The following SFI1 variants were observed in gnomAD, a reference collection of about 807,000 sequenced individuals.
SFI1 encodes SFI1 centrin binding protein.
Under a neutral mutation model 207.5 loss-of-function variants are expected in SFI1, and 195 were observed. That is an observed-to-expected ratio of 0.94 (90% CI 0.84 to 1.06). The LOEUF (loss-of-function observed/expected upper bound fraction) is 1.06, where lower values mean the gene tolerates loss of function less well. Ranked by LOEUF, SFI1 falls within the 50% of genes least tolerant of loss-of-function variation. The pLI is 0.00. For synonymous variants in SFI1, 630 were observed against 598.9 expected, an observed-to-expected ratio of 1.05 and a Z score of -0.76; for missense variants, 1,634 against 1,588.0, an observed-to-expected ratio of 1.03 and a Z score of -0.49.
At chr22:31,610,473 G>T (rs1174671873) in intron 22 of SFI1, among the ~76,000 whole-genome samples, 1 of 152,208 alleles carries the variant, frequency 6.6e-6, no homozygotes, top group Non-Finnish European at 1.5e-5. Flanking sequence ...GCCTCAGTGG[G>T]CCTGGAGGGC....
At chr22:31,602,103 A>G in intron 15 of SFI1, 109 bp from the exon 16 acceptor site, 2 of 929,766 alleles carry the variant, frequency 2.2e-6, no homozygotes, top group Non-Finnish European at 3.4e-6. Context: ...CACCTCTTAT[A>G]CGATAGCATG....
chr22:31,555,411 C>T (rs565549968), intron 6 of SFI1, among the ~76,000 whole-genome samples: 1 of 152,284 alleles, frequency 6.6e-6, no homozygotes, highest in East Asian at 1.9e-4. Context: ...TGACATAAGA[C>T]AAGTTATTTC....
chr22:31,535,958 A>G (rs1223133161), intron 4 of SFI1, among the ~76,000 whole-genome samples: 1 of 152,168 alleles, frequency 6.6e-6, no homozygotes, highest in African/African-American at 2.4e-5. Flanking sequence ...CTAATTTCAT[A>G]GAACTCCTTC....
At chr22:31,497,296 C>T (rs9621272) in intron 1 of SFI1, 2 of 152,174 alleles carry the variant, frequency 1.3e-5, no homozygotes, top group Non-Finnish European at 2.9e-5. Flanking sequence ...AGCCCTGCAC[C>T]GAGCAACTAT....
intron 2 of SFI1, among the ~76,000 whole-genome samples, chr22:31,519,585 T>C (rs1173952549): frequency 2.0e-5 from 3 of 151,844 alleles, no homozygotes; most frequent in Non-Finnish European, 4.4e-5. Context: ...TACAGGCGTG[T>C]GCCACCACGC....
At chr22:31,511,833 G>A (rs2146738503) in intron 2 of SFI1, among the ~76,000 whole-genome samples, 1 of 151,890 alleles carries the variant, frequency 6.6e-6, no homozygotes, top group East Asian at 2.0e-4. Context: ...TTTTATATTA[G>A]TAGAGAAGGA....
chr22:31,511,450 C>G (rs1222004220), intron 2 of SFI1, among the ~76,000 whole-genome samples: 1 of 147,618 alleles, frequency 6.8e-6, no homozygotes, highest in Non-Finnish European at 1.5e-5. Flanking sequence ...GCCTCTAACT[C>G]TGGCATAGTT....
intron 7 of SFI1, 97 bp downstream of exon 7, chr22:31,557,156 A>C: frequency 1.4e-6 from 1 of 714,328 alleles, no homozygotes; most frequent in Non-Finnish European, 2.3e-6. Context: ...CCTTAAAACA[A>C]TGGTTTGTAT....
intron 8 of SFI1, among the ~76,000 whole-genome samples, chr22:31,572,107 G>A (rs150931252): frequency 0.012 from 1,783 of 152,318 alleles, 10 homozygotes; most frequent in Middle Eastern, 0.031. Flanking sequence ...GCAGGAAAGA[G>A]AGAAGACAGA....
intron 29 of SFI1, chr22:31,616,144 TG>T (rs1399329903): frequency 6.6e-6 from 1 of 151,980 alleles, no homozygotes; most frequent in Non-Finnish European, 1.5e-5. Flanking sequence ...AGCTCAGTAA[TG>T]GAAGTGACAG....
chr22:31,500,358 G>A (rs2053537089), intron 1 of SFI1, among the ~76,000 whole-genome samples: 1 of 151,816 alleles, frequency 6.6e-6, no homozygotes. Flanking sequence ...TCAGTCAGCA[G>A]CTATTAACAT....
intron 22 of SFI1, among the ~76,000 whole-genome samples, chr22:31,610,083 G>T (rs1365848856): frequency 6.6e-6 from 1 of 152,200 alleles, no homozygotes. Context: ...ACACGTAGTA[G>T]GTACACAGTA....
intron 4 of SFI1, among the ~76,000 whole-genome samples, chr22:31,532,464 T>C (rs528120840): frequency 1.3e-5 from 2 of 152,126 alleles, no homozygotes; most frequent in Non-Finnish European, 2.9e-5. Flanking sequence ...CAAAGGAGAA[T>C]TGGCAGCCTT....
In SFI1 at chr22:31,583,903, G is replaced by T; in HGVS notation, c.1277G>T (p.Arg426Leu). 6.2e-7 allele frequency: 1 copy of T among 1,614,038 alleles called. No individual in the cohort carries two copies. Among genetic ancestry groups the T allele is most frequent in the Non-Finnish European group, 8.5e-7 (1 of 1,180,020 alleles). Residue 426 changes from arginine to leucine, a missense_variant, in exon 13 of 33, where the codon CGG (arginine) becomes CTG (leucine). Arg to Leu is a moderately radical substitution (Grantham distance 102). Coordinates refer to ENST00000400288, the MANE Select transcript of SFI1 (RefSeq NM_001007467.3). ...CTGCACAGGTTCTGGAACCTCTGGC[G>T]GTCTCAGATTGAGCAGAAAAAGGAA... ...TLLHRFWNLW[R>L]SQIEQKKERE...
upstream of SFI1, chr22:31,496,163 GT>G (rs1251682170): frequency 2.0e-5 from 3 of 152,266 alleles, no homozygotes; most frequent in Non-Finnish European, 4.4e-5. Flanking sequence ...GAGGACTTTC[GT>G]ACGCAGCCGC....
Position 31,617,070 on chromosome 22 carries a change from G to A in SFI1, c.3504G>A (p.Gln1168=). ...TACTGCACTACCAGACCACCAAGCAGAACCTCTGGTGAGCCCTGCGAAACG... is the reference window on the plus strand; with the variant it reads ...TACTGCACTACCAGACCACCAAGCAAAACCTCTGGTGAGCCCTGCGAAACG... ...QQLLHYQTTK[Q]NLWSCRRQAS... The change falls in exon 31 of 33, where the codon CAG becomes CAA. Residue 1168 remains glutamine, a synonymous_variant. Coordinates refer to ENST00000400288, the MANE Select transcript of SFI1 (RefSeq NM_001007467.3). The A allele has an allele frequency of 1.9e-6, 3 of 1,614,016 alleles. No individual in the cohort carries two copies. The highest frequency in any genetic ancestry group is 2.5e-6 in the Non-Finnish European group (3 of 1,180,020).
chr22:31,534,437 T>C (rs145465503), intron 4 of SFI1, among the ~76,000 whole-genome samples: 1,758 of 152,330 alleles, frequency 0.012, 10 homozygotes, highest in Middle Eastern at 0.031. Context: ...TTTTCTTTCT[T>C]CTCACATCTC....
chr22:31,527,312 AC>A (rs1179570839), intron 2 of SFI1, among the ~76,000 whole-genome samples: 1 of 152,160 alleles, frequency 6.6e-6, no homozygotes, highest in Non-Finnish European at 1.5e-5. Flanking sequence ...TTCACTCTTG[AC>A]TTTCATTTCT....
At chr22:31,518,790 T>C (rs781372362) in intron 2 of SFI1, among the ~76,000 whole-genome samples, 6 of 152,202 alleles carry the variant, frequency 3.9e-5, no homozygotes, top group Non-Finnish European at 7.3e-5. Flanking sequence ...TAGCACTCCC[T>C]CTAGGAGTCT....
Sources: gnomAD v4.1 joint callset for allele counts (sites outside exome capture counted in the v4.1 genomes callset) on GRCh38, gnomAD v4.1.1 for gene constraint, MANE v1.5 for transcripts, NCBI Gene and HGNC (gene_info 2026-07-23, HGNC 2026-07-21) for gene names.